COL4A6: variants seen among roughly 807,000 people sequenced by gnomAD.
COL4A6 encodes the protein collagen type IV alpha 6 chain, also known as collagen alpha-6(IV) chain.
A neutral mutation model predicts 126.7 loss-of-function variants in COL4A6; 59 were observed. That is an observed-to-expected ratio of 0.47 (90% CI 0.38 to 0.58). The LOEUF is 0.58. Ranked by LOEUF, COL4A6 falls within the 20% of genes least tolerant of loss-of-function variation. COL4A6 has a pLI of 0.00. For synonymous variants in COL4A6, 547 were observed against 496.6 expected, an observed-to-expected ratio of 1.10 and a Z score of -1.35; for missense variants, 1,285 against 1,337.3, an observed-to-expected ratio of 0.96 and a Z score of 0.61.
intron 3 of COL4A6, among the ~76,000 whole-genome samples, chrX:108,258,285 C>T (rs922955782): frequency 9.8e-5 from 11 of 112,056 alleles, no homozygotes; most frequent in African/African-American, 3.6e-4. Flanking sequence ...GACACTCACA[C>T]CCTCTTTTCT....
rs750694136 is a variant in COL4A6 at position 108,164,022 on chromosome X, A to C, written c.4069+578T>G. ...ACACAGGGCTTTGCGTGCCACGGTGAGTTCATTCCTACGCCATGGGAAGCC... is the reference window on the plus strand; with the variant it reads ...ACACAGGGCTTTGCGTGCCACGGTGCGTTCATTCCTACGCCATGGGAAGCC... On this transcript the variant is annotated intron_variant, in intron 40 of 44. Coordinates refer to ENST00000334504, the MANE Select transcript of COL4A6 (RefSeq NM_033641.4). Among the ~76,000 whole-genome samples the C allele has an allele frequency of 6.5e-4, 73 of 111,628 alleles. No individual in the cohort carries two copies. In the Admixed American group the frequency reaches 6.6e-3, roughly 10 times the overall value.
intron 2 of COL4A6, among the ~76,000 whole-genome samples, chrX:108,400,624 A>C (rs1010716587): frequency 2.7e-5 from 3 of 111,557 alleles, no homozygotes; most frequent in African/African-American, 9.8e-5. Context: ...CACTGTGAAA[A>C]AGGACAAAAG....
chrX:108,347,428 T>A (rs2039734193), intron 2 of COL4A6, among the ~76,000 whole-genome samples: 1 of 112,178 alleles, frequency 8.9e-6, no homozygotes, highest in Admixed American at 9.4e-5. Context: ...CAACTCCTAA[T>A]TAAGAGCTGC....
At chrX:108,255,450 T>C (rs2036977396) in intron 3 of COL4A6, among the ~76,000 whole-genome samples, 1 of 111,108 alleles carries the variant, frequency 9.0e-6, no homozygotes. Flanking sequence ...AGAAAGATAG[T>C]TCAATAAAGG....
At chrX:108,425,333 C>A (rs2064057065) in intron 2 of COL4A6, among the ~76,000 whole-genome samples, 1 of 110,563 alleles carries the variant, frequency 9.0e-6, no homozygotes, top group African/African-American at 3.3e-5. Context: ...GCAGAGCATC[C>A]TGAGATAGCA....
intron 2 of COL4A6, among the ~76,000 whole-genome samples, chrX:108,357,000 G>GA (rs2039976216): frequency 9.0e-6 from 1 of 111,398 alleles, no homozygotes. Flanking sequence ...ATTTAAAGTA[G>GA]AAAAAAGAAA....
chrX:108,425,459 C>T (rs1329474677), intron 2 of COL4A6, among the ~76,000 whole-genome samples: 1 of 110,256 alleles, frequency 9.1e-6, no homozygotes, highest in Admixed American at 9.7e-5. Flanking sequence ...TCAGGCCAGG[C>T]GTGGTGGCTC....
chrX:108,175,337 T>C (rs1244295117), intron 29 of COL4A6, 122 bp from the exon 30 acceptor site: 2 of 834,448 alleles, frequency 2.4e-6, no homozygotes, highest in East Asian at 7.0e-5. Flanking sequence ...TCCATCTTAT[T>C]CCCCACCCCT....
intron 13 of COL4A6, among the ~76,000 whole-genome samples, chrX:108,201,752 T>C (rs1312413107): frequency 3.6e-5 from 4 of 111,765 alleles, no homozygotes; most frequent in Non-Finnish European, 5.6e-5. Context: ...GCTGTCACTA[T>C]AGTCTAAGTC....
intron 27 of COL4A6, among the ~76,000 whole-genome samples, chrX:108,178,479 A>G (rs2034569302): frequency 8.9e-6 from 1 of 112,671 alleles, no homozygotes; most frequent in Non-Finnish European, 1.9e-5. Flanking sequence ...GATTTGTGGC[A>G]ACAGTTTGGA....
At chrX:108,231,001 C>G (rs2036290416) in intron 3 of COL4A6, among the ~76,000 whole-genome samples, 1 of 111,695 alleles carries the variant, frequency 9.0e-6, no homozygotes, top group Non-Finnish European at 1.9e-5. Context: ...TATTTTGTGG[C>G]CCAAGAAGTT....
At chrX:108,281,067 C>G (rs2037804518) in intron 3 of COL4A6, among the ~76,000 whole-genome samples, 1 of 100,012 alleles carries the variant, frequency 1.0e-5, no homozygotes, top group African/African-American at 3.7e-5. Flanking sequence ...TGGAAGCATT[C>G]CCTTTGAAAA....
chrX:108,179,723 C>T (rs1235561833), intron 25 of COL4A6, among the ~76,000 whole-genome samples: 1 of 107,723 alleles, frequency 9.3e-6, no homozygotes, highest in Non-Finnish European at 1.9e-5. Context: ...CACGCCACCC[C>T]ATAGCATCCT....
intron 2 of COL4A6, among the ~76,000 whole-genome samples, chrX:108,429,272 G>A (rs1035131838): frequency 8.0e-5 from 9 of 112,367 alleles, no homozygotes; most frequent in African/African-American, 2.9e-4. Flanking sequence ...TGCAAAAAGT[G>A]TAAGGGAACT....
chrX:108,305,735 A>T (rs1407180474), intron 3 of COL4A6, among the ~76,000 whole-genome samples: 1 of 111,886 alleles, frequency 8.9e-6, no homozygotes, highest in Admixed American at 9.5e-5. Flanking sequence ...GGGAAAGGAA[A>T]GAGAAGACAA....
intron 2 of COL4A6, among the ~76,000 whole-genome samples, chrX:108,428,799 T>C (rs767575195): frequency 3.6e-5 from 4 of 110,818 alleles, no homozygotes; most frequent in African/African-American, 9.9e-5. Context: ...AAAAGAAAAA[T>C]ATAATATCTG....
chrX:108,388,075 C>A (rs964381843), intron 2 of COL4A6, among the ~76,000 whole-genome samples: 1 of 111,907 alleles, frequency 8.9e-6, no homozygotes. Flanking sequence ...CCAACTTGAT[C>A]GTGGTGGATA....
At chrX:108,263,464 C>T (rs913426739) in intron 3 of COL4A6, among the ~76,000 whole-genome samples, 2 of 111,985 alleles carry the variant, frequency 1.8e-5, no homozygotes, top group African/African-American at 6.5e-5. Flanking sequence ...TGGTTCCCAT[C>T]AACATCTTCC....
chrX:108,199,039 T>C (rs1003063538), intron 13 of COL4A6, among the ~76,000 whole-genome samples: 9 of 111,022 alleles, frequency 8.1e-5, no homozygotes, highest in African/African-American at 3.0e-4. Context: ...TGGGATAAAA[T>C]GTGTGAGGTG....
Sources: allele counts gnomAD v4.1 joint callset (sites outside exome capture counted in the v4.1 genomes callset), GRCh38; gene constraint gnomAD v4.1.1; transcripts MANE v1.5; gene names NCBI Gene and HGNC (gene_info 2026-07-23, HGNC 2026-07-21).